The following DLG2 variants were observed in gnomAD, a reference collection of about 807,000 sequenced individuals.
The protein encoded by DLG2 is disks large homolog 2.
DLG2 carries 45 observed loss-of-function variants against 132.5 expected under a neutral mutation model. That is an observed-to-expected ratio of 0.34 (90% CI 0.27 to 0.44). The LOEUF is 0.44. Ranked by LOEUF, DLG2 falls within the 20% of genes least tolerant of loss-of-function variation. DLG2 has a pLI of 1.00. For missense variants in DLG2, 1,045 were observed against 1,196.9 expected, an observed-to-expected ratio of 0.87 and a Z score of 1.87; for synonymous variants, 424 against 419.6, an observed-to-expected ratio of 1.01 and a Z score of -0.13.
intron 3 of DLG2, among the ~76,000 whole-genome samples, chr11:85,354,081 G>A (rs780348391): frequency 1.3e-5 from 2 of 150,974 alleles, no homozygotes; most frequent in African/African-American, 4.9e-5. Flanking sequence ...TGTATGCCTA[G>A]GTCCTCTCGC....
chr11:84,138,119 C>T (rs553045897), intron 9 of DLG2, among the ~76,000 whole-genome samples: 97 of 152,260 alleles, frequency 6.4e-4, no homozygotes, highest in Middle Eastern at 3.4e-3. Context: ...AATCTCAGCT[C>T]TCCCACATCC....
chr11:84,285,818 T>C (rs955839342), intron 7 of DLG2, among the ~76,000 whole-genome samples: 3 of 152,234 alleles, frequency 2.0e-5, no homozygotes, highest in South Asian at 2.1e-4. Flanking sequence ...TCATTATGGA[T>C]AAAAACTAGT....
chr11:84,763,323 G>T (rs1448701986), intron 6 of DLG2: 1 of 152,100 alleles, frequency 6.6e-6, no homozygotes, highest in Admixed American at 6.6e-5. Context: ...ACATAAACCG[G>T]ACTCTTCATG....
intron 6 of DLG2, among the ~76,000 whole-genome samples, chr11:84,556,358 T>C (rs568588060): frequency 1.3e-5 from 2 of 152,218 alleles, no homozygotes; most frequent in East Asian, 3.9e-4. Context: ...ACCTAACATG[T>C]GTTTAGTCTT....
chr11:85,220,998 T>C (rs1040861293), intron 4 of DLG2, among the ~76,000 whole-genome samples: 3 of 151,916 alleles, frequency 2.0e-5, no homozygotes, highest in Non-Finnish European at 4.4e-5. Flanking sequence ...TGCTACCTTA[T>C]GAGAGAATTT....
At chr11:84,238,466 G>A (rs1326275710) in intron 8 of DLG2, among the ~76,000 whole-genome samples, 2 of 151,718 alleles carry the variant, frequency 1.3e-5, no homozygotes, top group African/African-American at 2.4e-5. Context: ...GCTACAGTGA[G>A]CCCTGATGGC....
intron 3 of DLG2, among the ~76,000 whole-genome samples, chr11:85,394,508 G>A (rs968888905): frequency 1.1e-4 from 16 of 152,180 alleles, no homozygotes; most frequent in African/African-American, 2.4e-4. Context: ...GTCAGGCCCC[G>A]ACCCTGCCAA....
intron 6 of DLG2, among the ~76,000 whole-genome samples, chr11:84,605,117 A>G (rs1479383723): frequency 2.6e-5 from 4 of 151,978 alleles, no homozygotes. Context: ...GGAAAACCAT[A>G]ATTATAAGCA....
intron 6 of DLG2, among the ~76,000 whole-genome samples, chr11:84,775,265 T>C (rs1191918071): frequency 6.6e-6 from 1 of 151,164 alleles, no homozygotes; most frequent in African/African-American, 2.4e-5. Context: ...TATTAAAAAG[T>C]AAAAATCAAC....
chr11:84,571,041 T>C (rs1394449007), intron 6 of DLG2, among the ~76,000 whole-genome samples: 1 of 152,176 alleles, frequency 6.6e-6, no homozygotes, highest in Non-Finnish European at 1.5e-5. Context: ...CACACATTTA[T>C]GAACATCCAA....
At position 83,457,442 on chromosome 11, in the gene DLG2, A is replaced by T. The variant is rs1238524580; in HGVS notation, c.*2376T>A. On this transcript the variant is annotated 3_prime_UTR_variant, in exon 28 of 28. Transcript: ENST00000376104. ...TCTATATATTTATATAAATCTACAT[A>T]AAAAAATCAGTGCAAATGCCAATTC... is the stretch of plus-strand genomic sequence containing the variant. The T allele has an allele frequency of 6.6e-6, 1 of 152,552 alleles. No homozygotes were observed. The highest frequency in any genetic ancestry group is 1.5e-5 in the Non-Finnish European group (1 of 68,006). The allele number at this position is 152,552 out of a possible 1,614,324, so 9.4% of individuals were successfully genotyped here.
chr11:84,580,243 T>A (rs943940423), intron 6 of DLG2, among the ~76,000 whole-genome samples: 2 of 152,196 alleles, frequency 1.3e-5, no homozygotes, highest in Non-Finnish European at 2.9e-5. Flanking sequence ...TCCTGGATCA[T>A]AAATAATGAT....
At chr11:83,909,500 G>T (rs2075664131) in intron 15 of DLG2, among the ~76,000 whole-genome samples, 1 of 152,162 alleles carries the variant, frequency 6.6e-6, no homozygotes, top group Admixed American at 6.6e-5. Flanking sequence ...CCACTCTGGT[G>T]AATAGCAAGA....
At chr11:85,387,705 T>C (rs570493665) in intron 3 of DLG2, among the ~76,000 whole-genome samples, 3 of 152,338 alleles carry the variant, frequency 2.0e-5, no homozygotes, top group African/African-American at 7.2e-5. Flanking sequence ...TTACTTTCTG[T>C]CAAGCCAGTA....
chr11:83,932,068 T>G (rs1411666193), intron 14 of DLG2, among the ~76,000 whole-genome samples: 1 of 152,144 alleles, frequency 6.6e-6, no homozygotes, highest in Non-Finnish European at 1.5e-5. Flanking sequence ...ACTTAATATC[T>G]CAGAAGATGA....
At chr11:83,633,781 C>CACAA (rs1491279264) in intron 18 of DLG2, among the ~76,000 whole-genome samples, 3 of 146,204 alleles carry the variant, frequency 2.1e-5, no homozygotes, top group South Asian at 4.3e-4. Context: ...CACACACACA[C>CACAA]AACTGCGGAA....
At chr11:83,788,691 T>G (rs757623045) in intron 17 of DLG2, among the ~76,000 whole-genome samples, 1 of 152,220 alleles carries the variant, frequency 6.6e-6, no homozygotes, top group Admixed American at 6.5e-5. Flanking sequence ...ACATGCCAAA[T>G]AATTTATTCT....
intron 3 of DLG2, among the ~76,000 whole-genome samples, chr11:85,398,097 T>A (rs1361257123): frequency 6.6e-6 from 1 of 152,138 alleles, no homozygotes. Context: ...CACAGTGCAA[T>A]CAAATCAGAA....
At chr11:84,966,372 C>T (rs1275322850) in intron 6 of DLG2, among the ~76,000 whole-genome samples, 1 of 152,014 alleles carries the variant, frequency 6.6e-6, no homozygotes, top group Non-Finnish European at 1.5e-5. Flanking sequence ...TAATATGTTT[C>T]CTGAGGCACC....
Sources: gnomAD v4.1 joint callset for allele counts (sites outside exome capture counted in the v4.1 genomes callset) on GRCh38, gnomAD v4.1.1 for gene constraint, MANE v1.5 for transcripts, NCBI Gene and HGNC (gene_info 2026-07-23, HGNC 2026-07-21) for gene names.